Variants in EFHB observed in about 807,000 individuals in gnomAD.
EFHB encodes EF-hand domain-containing family member B.
A neutral mutation model predicts 87.2 loss-of-function variants in EFHB; 91 were observed. That is an observed-to-expected ratio of 1.04 (90% CI 0.88 to 1.24). The LOEUF (loss-of-function observed/expected upper bound fraction) is 1.24, where lower values mean the gene tolerates loss of function less well. Ranked by LOEUF, EFHB falls within the 50% of genes most tolerant of loss-of-function variation. The pLI, the probability that EFHB is intolerant of heterozygous loss-of-function variation, is 0.00. For synonymous variants in EFHB, 325 were observed against 333.6 expected (o/e 0.97, Z 0.28); for missense variants, 1,084 against 998.8 (o/e 1.09, Z -1.15).
At chr3:19,940,111 G>C (rs1227483242) in intron 1 of EFHB, among the ~76,000 whole-genome samples, 3 of 151,918 alleles carry the variant, frequency 2.0e-5, no homozygotes, top group African/African-American at 4.8e-5. Context: ...TTTTTTATGA[G>C]ATTACAGGCC....
chr3:19,928,839 G>A (rs1695724350), intron 1 of EFHB, among the ~76,000 whole-genome samples: 1 of 151,960 alleles, frequency 6.6e-6, no homozygotes, highest in Admixed American at 6.6e-5. Flanking sequence ...AGATACTAAA[G>A]AGAAAAGGAC....
chr3:19,897,130 T>C (rs1205816003), intron 8 of EFHB, among the ~76,000 whole-genome samples: 3 of 152,256 alleles, frequency 2.0e-5, no homozygotes, highest in Non-Finnish European at 4.4e-5. Flanking sequence ...GTCTTTTCCC[T>C]GGACAGTGAA....
rs1423404898 is a variant in EFHB at position 19,915,358 on chromosome 3, T to C, written c.1233A>G (p.Lys411=). 2 of 1,613,420 alleles carry C rather than the reference T, an allele frequency of 1.2e-6. No homozygotes were observed. The highest frequency in any genetic ancestry group is 1.7e-6 in the Non-Finnish European group (2 of 1,179,544). Residue 411 remains lysine, a synonymous_variant, in exon 5 of 13, where the codon AAA becomes AAG. Transcript: ENST00000295824. ...ACAAATCATGTCCTTCATTTCCTTC[T>C]TTAAATACTTCTTCATAGGATTTTG... ...NPPKSYEEVF[K]EGNEGHDLYV... is the part of the protein sequence containing the mutation.
At chr3:19,892,516 A>G (rs1469928341) in intron 9 of EFHB, among the ~76,000 whole-genome samples, 2 of 152,232 alleles carry the variant, frequency 1.3e-5, no homozygotes, top group African/African-American at 4.8e-5. Flanking sequence ...GTGCAACAGC[A>G]CCATGCAACA....
intron 6 of EFHB, among the ~76,000 whole-genome samples, chr3:19,900,869 C>T (rs968672813): frequency 1.1e-4 from 17 of 149,626 alleles, no homozygotes; most frequent in African/African-American, 4.0e-4. Flanking sequence ...TCAGAGGCTG[C>T]AGTAAGCCAA....
intron 1 of EFHB, among the ~76,000 whole-genome samples, chr3:19,929,773 G>T: frequency 6.8e-6 from 1 of 147,436 alleles, no homozygotes; most frequent in East Asian, 2.0e-4. Context: ...TCTTTTTGAA[G>T]TCTTTGTAGT....
chr3:19,896,841 C>T lies in EFHB; in HGVS notation c.1571G>A (p.Gly524Glu), dbSNP rs747925889. The T allele has an allele frequency of 6.9e-6, 11 of 1,601,892 alleles. No individual in the cohort carries two copies. The East Asian group carries it at 2.0e-4, about 29-fold the overall frequency. ...TCTATTATGGATGAGATCACCAACT[C>T]CTATTGAAGAGAGAAAAAACTTTTT... ...FGACLRPEEY[G>E]VGDLIHNRLP... The change falls in exon 9 of 13, where the codon GGA (glycine) becomes GAA (glutamate). Residue 524 changes from glycine to glutamate, a missense_variant and splice_region_variant. Transcript: ENST00000295824.
chr3:19,927,041 A>G (rs1007389694), intron 1 of EFHB, among the ~76,000 whole-genome samples: 1 of 152,092 alleles, frequency 6.6e-6, no homozygotes, highest in Admixed American at 6.6e-5. Context: ...TTGCAGCCTC[A>G]ACCTCCCATA....
intron 6 of EFHB, among the ~76,000 whole-genome samples, chr3:19,902,354 GT>G (rs1174359094): frequency 6.6e-6 from 1 of 151,874 alleles, no homozygotes; most frequent in Non-Finnish European, 1.5e-5. Flanking sequence ...TTGTTTGTTT[GT>G]TTTTGTTTTT....
intron 1 of EFHB, among the ~76,000 whole-genome samples, chr3:19,921,584 C>T (rs1006977912): frequency 1.3e-5 from 2 of 151,930 alleles, no homozygotes; most frequent in African/African-American, 4.8e-5. Flanking sequence ...GGGTGAGAGG[C>T]TGGGGGGGCC....
intron 1 of EFHB, among the ~76,000 whole-genome samples, chr3:19,932,505 C>G (rs1449607052): frequency 6.6e-6 from 1 of 152,072 alleles, no homozygotes. Context: ...TGCTCTATAC[C>G]TTTTTATGCC....
chr3:19,934,688 C>T (rs1170822439), upstream of EFHB, among the ~76,000 whole-genome samples: 1 of 152,162 alleles, frequency 6.6e-6, no homozygotes, highest in Admixed American at 6.5e-5. Context: ...TGGCCATTGG[C>T]CTCTTAATGT....
Position 19,904,957 on chromosome 3 carries a change from G to A in EFHB, c.1418+663C>T, listed in dbSNP as rs149060610. On this transcript the variant is annotated intron_variant, in intron 6 of 12. Coordinates refer to ENST00000295824, the MANE Select transcript of EFHB (RefSeq NM_144715.4). Reference sequence around the variant, plus strand: ...TGTTGGCTCGGATATAAAATATAACGCAGGAAATGAAAAACTAATGACCCA... The same window carrying A: ...TGTTGGCTCGGATATAAAATATAACACAGGAAATGAAAAACTAATGACCCA... 3.7e-3 allele frequency among the ~76,000 whole-genome samples: 567 copies of A among 152,034 alleles called. 4 individuals carry two copies. Among genetic ancestry groups the A allele is most frequent in the Non-Finnish European group, 5.8e-3 (391 of 67,982 alleles).
At chr3:19,896,636 C>A in intron 9 of EFHB, 51 bp downstream of exon 9, 1 of 1,612,950 alleles carries the variant, frequency 6.2e-7, no homozygotes, top group South Asian at 1.1e-5. Context: ...CACCAAACTG[C>A]TGGGATCTGT....
intron 9 of EFHB, chr3:19,894,504 A>G (rs1406510209): frequency 6.6e-6 from 1 of 152,212 alleles, no homozygotes; most frequent in Non-Finnish European, 1.5e-5. Flanking sequence ...TTAGAAAATC[A>G]TAGTTTATTT....
intron 9 of EFHB, 70 bp downstream of exon 9, chr3:19,896,617 C>T: frequency 6.2e-7 from 1 of 1,603,772 alleles, no homozygotes; most frequent in Non-Finnish European, 8.5e-7. Context: ...TTTGCTGACC[C>T]CTGATCTACA....
At chr3:19,895,239 T>C (rs1437337064) in intron 9 of EFHB, among the ~76,000 whole-genome samples, 2 of 151,736 alleles carry the variant, frequency 1.3e-5, no homozygotes, top group East Asian at 3.9e-4. Flanking sequence ...CCCAGCACTT[T>C]GGGAGGCCGA....
At chr3:19,912,461 G>A (rs1413154591) in intron 5 of EFHB, among the ~76,000 whole-genome samples, 2 of 152,022 alleles carry the variant, frequency 1.3e-5, no homozygotes, top group African/African-American at 4.8e-5. Context: ...GCTTAAGGGA[G>A]TACTTCAATT....
Position 19,884,516 on chromosome 3 carries a change from C to T in EFHB, c.2033G>A (p.Gly678Glu). Reference protein sequence around the residue: ...KPEDIVLKEAGSTEKTLRTLL... With the variant: ...KPEDIVLKEAESTEKTLRTLL... ...TGTCCGGAGAGTCTTTTCTGTGCTT[C>T]CTGCTTCTTTTAAGACAATATCTTC... is the stretch of plus-strand genomic sequence containing the variant. The change falls in exon 11 of 13, where the codon GGA becomes GAA. Residue 678 changes from glycine to glutamate, a missense_variant. Coordinates refer to ENST00000295824, the MANE Select transcript of EFHB (RefSeq NM_144715.4). 6 of 1,613,916 alleles carry T rather than the reference C, an allele frequency of 3.7e-6. No individual in the cohort carries two copies. Among genetic ancestry groups the T allele is most frequent in the Non-Finnish European group, 5.1e-6 (6 of 1,179,878 alleles).
Sources: allele counts gnomAD v4.1 joint callset (sites outside exome capture counted in the v4.1 genomes callset), GRCh38; gene constraint gnomAD v4.1.1; transcripts MANE v1.5; gene names NCBI Gene and HGNC (gene_info 2026-07-23, HGNC 2026-07-21).